The following DKC1 variants were observed in gnomAD, a reference collection of about 807,000 sequenced individuals.
The protein encoded by DKC1 is dyskerin pseudouridine synthase 1, also known as H/ACA ribonucleoprotein complex subunit DKC1.
A neutral mutation model predicts 46.7 loss-of-function variants in DKC1; 4 were observed. The observed-to-expected ratio is 0.09, with a 90% CI of 0.04 to 0.20. The LOEUF is 0.20. DKC1 is among the 10% of genes least tolerant of loss of function. DKC1 has a pLI of 1.00. For missense variants in DKC1, 171 were observed against 404.2 expected (o/e 0.42, Z 4.95); for synonymous variants, 141 against 142.4 (o/e 0.99, Z 0.07).
chrX:154,767,454 C>T, intron 7 of DKC1, 72 bp downstream of exon 7: 1 of 1,145,292 alleles, frequency 8.7e-7, no homozygotes, highest in Non-Finnish European at 1.2e-6. Context: ...AAAGTAGATG[C>T]CCTTGAAGTT....
intron 3 of DKC1, 30 bp downstream of exon 3, chrX:154,765,560 A>T: frequency 9.9e-7 from 1 of 1,014,843 alleles, no homozygotes; most frequent in East Asian, 3.0e-5. Context: ...CATCAGATGA[A>T]TGCCTGCTTT....
In DKC1 at chrX:154,776,897, T is replaced by TA; in HGVS notation, c.*33dup. 1 of 1,108,168 alleles carries TA rather than the reference T, an allele frequency of 9.0e-7. No individual in the cohort carries two copies. The highest frequency in any genetic ancestry group is 3.1e-5 in the East Asian group (1 of 32,209). 91.3% of individuals were successfully genotyped at this position (1,108,168 alleles called of 1,213,427 possible). A position where few individuals can be genotyped will look rare whatever the true frequency, so the allele number is the denominator to read the frequency against. Reference sequence around the variant, plus strand: ...GGCCACTTGAAGCTGGAGGAGAAACTAAAGCCTTATTGAGAAAACATGTTA... The same window carrying TA: ...GGCCACTTGAAGCTGGAGGAGAAACTAAAAGCCTTATTGAGAAAACATGTTA... On this transcript the variant is annotated 3_prime_UTR_variant, in exon 15 of 15. Transcript: ENST00000369550.
chrX:154,770,495 T>G (rs868913129), intron 9 of DKC1, among the ~76,000 whole-genome samples: 3 of 83,752 alleles, frequency 3.6e-5, no homozygotes, highest in Non-Finnish European at 7.3e-5. Context: ...AAAAAGAAAA[T>G]ACTTGTGAGT....
intron 12 of DKC1, 66 bp downstream of exon 12, chrX:154,774,771 G>A (rs782432840): frequency 1.0e-6 from 1 of 960,329 alleles, no homozygotes; most frequent in Middle Eastern, 2.6e-4. Context: ...TGATGCAGGA[G>A]TATGTCAACA....
chrX:154,769,874 G>A (rs2071799739), intron 9 of DKC1, among the ~76,000 whole-genome samples: 1 of 111,575 alleles, frequency 9.0e-6, no homozygotes, highest in East Asian at 2.8e-4. Context: ...TTGGCTTCTG[G>A]GTGAATGTAA....
At chrX:154,775,571 G>GGT (rs782108482) in intron 13 of DKC1, among the ~76,000 whole-genome samples, 5 of 112,234 alleles carry the variant, frequency 4.5e-5, no homozygotes, top group African/African-American at 1.6e-4. Context: ...AATGGGTGGT[G>GGT]GTGTGTGTGT....
intron 1 of DKC1, among the ~76,000 whole-genome samples, chrX:154,763,390 G>T (rs781807558): frequency 8.9e-6 from 1 of 112,469 alleles, no homozygotes; most frequent in African/African-American, 3.2e-5. Flanking sequence ...GAGGGACCCC[G>T]GAGCAGGGAT....
At position 154,773,057 on chromosome X, in the gene DKC1, A is replaced by G. The variant is rs1320872217; in HGVS notation, c.1037-74A>G. Reference sequence around the variant, plus strand: ...TAAAAGTTTTAAAGTGGCATACAACAGTAGAATTGGGGCTCATCAATTATC... The same window carrying G: ...TAAAAGTTTTAAAGTGGCATACAACGGTAGAATTGGGGCTCATCAATTATC... On this transcript the variant is annotated intron_variant, in intron 10 of 14. Coordinates refer to ENST00000369550, the MANE Select transcript of DKC1 (RefSeq NM_001363.5). 5.5e-6 allele frequency: 4 copies of G among 729,713 alleles called. No homozygotes were observed. The Admixed American group carries it at 9.1e-5, about 17-fold the overall frequency. 60.1% of individuals were successfully genotyped at this position (729,713 alleles called of 1,213,427 possible).
chrX:154,766,005 G>A lies in DKC1; in HGVS notation c.263+7G>A. ...AGATTGGGGACTATATCAGGTAAGT[G>A]TTGGGAGGAGGCACTGTGCAAACTT... On this transcript the variant is annotated splice_region_variant and intron_variant, in intron 4 of 14. Transcript: ENST00000369550. 1 of 1,169,592 alleles carries A rather than the reference G, an allele frequency of 8.5e-7. No homozygotes were observed. The highest frequency in any genetic ancestry group is 1.2e-6 in the Non-Finnish European group (1 of 856,766).
intron 10 of DKC1, among the ~76,000 whole-genome samples, chrX:154,771,380 C>G (rs781998481): frequency 9.2e-6 from 1 of 108,606 alleles, no homozygotes; most frequent in South Asian, 4.0e-4. Context: ...TTAGTAGAGA[C>G]AGGGTTTTGT....
intron 1 of DKC1, among the ~76,000 whole-genome samples, chrX:154,764,006 A>G (rs1028751702): frequency 1.8e-5 from 2 of 109,886 alleles, no homozygotes; most frequent in South Asian, 3.9e-4. Context: ...TAAAAATACA[A>G]AAAATTTAGG....
At chrX:154,773,980 C>G (rs2083157001) in intron 11 of DKC1, among the ~76,000 whole-genome samples, 1 of 111,681 alleles carries the variant, frequency 9.0e-6, no homozygotes, top group Admixed American at 9.3e-5. Flanking sequence ...CTGCCAGGTT[C>G]TTTTGTTTGG....
intron 1 of DKC1, 71 bp from the exon 2 acceptor site, chrX:154,764,828 G>T: frequency 1.2e-6 from 1 of 806,008 alleles, no homozygotes; most frequent in Non-Finnish European, 1.9e-6. Flanking sequence ...CCCTAATTTC[G>T]GTCTTTATTT....
rs781973666 is a variant in DKC1, at chrX:154,770,594, G to GGCTGTT, written c.916-162_916-161insGTTGCT. ...AGTGGTACCTATAGCACAGTGAGGT[G>GGCTGTT]GCTCTTCTGAGTACCACTCATGCCC... On this transcript the variant is annotated intron_variant, in intron 9 of 14. Transcript: ENST00000369550. Among the ~76,000 whole-genome samples, 818 of 110,712 alleles carry GGCTGTT rather than the reference G, an allele frequency of 7.4e-3. 8 individuals carry two copies. The highest frequency in any genetic ancestry group is 0.026 in the African/African-American group (782 of 30,346).
intron 10 of DKC1, among the ~76,000 whole-genome samples, chrX:154,771,531 G>GC (rs1285756906): frequency 2.9e-5 from 3 of 104,444 alleles, no homozygotes; most frequent in Non-Finnish European, 5.9e-5. Flanking sequence ...CTCCCTGCCA[G>GC]CCCCCCACTA....
chrX:154,777,555 CTTATTAAAGTCAACTTG>C lies in DKC1; in HGVS notation c.*692_*708del, dbSNP rs2071915297. On this transcript the variant is annotated 3_prime_UTR_variant, in exon 15 of 15. Transcript: ENST00000369550. The stretch of plus-strand genomic sequence containing the variant: ...TGGGAGAAGAATGTTGTAATTTTTA[CTTATTAAAGTCAACTTG>C]TTAAGTTTTTTATGTATTCCTGTTG... The C allele has an allele frequency of 8.9e-6, 1 of 112,462 alleles. No homozygotes were observed. The highest frequency in any genetic ancestry group is 3.2e-5 in the African/African-American group (1 of 30,931). 9.3% of individuals were successfully genotyped at this position (112,462 alleles called of 1,213,427 possible).
chrX:154,773,942 C>A (rs1373923105), intron 11 of DKC1, among the ~76,000 whole-genome samples: 1 of 111,035 alleles, frequency 9.0e-6, no homozygotes, highest in Non-Finnish European at 1.9e-5. Context: ...CTGACCCCCC[C>A]CCACCTCCCT....
chrX:154,762,893 G>T lies in DKC1; in HGVS notation c.-73G>T, dbSNP rs1262849694. The T allele has an allele frequency of 1.7e-6, 2 of 1,143,492 alleles. No individual in the cohort carries two copies. Among genetic ancestry groups the T allele is most frequent in the Admixed American group, 2.6e-5 (1 of 38,746 alleles). 94.2% of individuals were successfully genotyped at this position (1,143,492 alleles called of 1,213,427 possible). A position where few individuals can be genotyped will look rare whatever the true frequency, so the allele number is the denominator to read the frequency against. On this transcript the variant is annotated 5_prime_UTR_variant, in exon 1 of 15. Coordinates refer to ENST00000369550, the MANE Select transcript of DKC1 (RefSeq NM_001363.5). ...GGGTCCTAGCAGCGCGGCCTGACGG[G>T]ACCAAGGCGGCGGGAGTCTGCGGTC...
chrX:154,764,225 A>G (rs1170611689), intron 1 of DKC1, among the ~76,000 whole-genome samples: 1 of 107,889 alleles, frequency 9.3e-6, no homozygotes, highest in Non-Finnish European at 1.9e-5. Flanking sequence ...TGTATGTATT[A>G]TATGTATGTA....
Sources: allele counts gnomAD v4.1 joint callset (sites outside exome capture counted in the v4.1 genomes callset), GRCh38; gene constraint gnomAD v4.1.1; transcripts MANE v1.5; gene names NCBI Gene and HGNC (gene_info 2026-07-23, HGNC 2026-07-21).